Variants in TXNDC15 observed in about 807,000 individuals in gnomAD.
TXNDC15 encodes thioredoxin domain-containing protein 15.
TXNDC15 carries 24 observed loss-of-function variants against 35.0 expected under a neutral mutation model. The ratio of observed to expected loss-of-function variants is 0.68; its 90% CI spans 0.50 to 0.96. The LOEUF is 0.96. Among genes scored for constraint, TXNDC15 ranks in the 40% least tolerant of loss-of-function variants. The pLI, the probability that TXNDC15 is intolerant of heterozygous loss-of-function variation, is 0.00. For synonymous variants in TXNDC15, 169 were observed against 174.0 expected (o/e 0.97, Z 0.23); for missense variants, 385 against 453.3 (o/e 0.85, Z 1.37).
At chr5:134,875,735 T>A (rs1160181538) in intron 1 of TXNDC15, among the ~76,000 whole-genome samples, 1 of 152,090 alleles carries the variant, frequency 6.6e-6, no homozygotes, top group Non-Finnish European at 1.5e-5. Context: ...AGTGGCGCGA[T>A]CTTGGCTCAC....
chr5:134,874,436 G>C lies in TXNDC15; in HGVS notation c.9G>C (p.Pro3=), dbSNP rs982005907. 1.9e-6 allele frequency: 3 copies of C among 1,600,350 alleles called. No individual in the cohort carries two copies. Among genetic ancestry groups the C allele is most frequent in the Admixed American group, 1.7e-5 (1 of 59,494 alleles). The change falls in exon 1 of 5, where the codon CCG becomes CCC. Residue 3 remains proline (P), a synonymous_variant. Transcript: ENST00000358387. ...GCCTCTCGGCCTGGGCAATGGTCCC[G>C]GCTGCCGGTCGACGACCGCCCCGCG... MV[P]AAGRRPPRVM...
Position 134,899,586 on chromosome 5 carries a change from T to C in TXNDC15, c.984T>C (p.Phe328=). 6.2e-7 allele frequency: 1 copy of C among 1,614,026 alleles called. No individual in the cohort carries two copies. Among genetic ancestry groups the C allele is most frequent in the Non-Finnish European group, 8.5e-7 (1 of 1,180,004 alleles). ...AAAGTGTGGACTGGTTGCTTGTATT[T>C]TCCTTATTCTTTTTAATTAGTTTTA... ...LIKSVDWLLV[F]SLFFLISFIM... Residue 328 remains phenylalanine (F), a synonymous_variant, in exon 5 of 5, where the codon TTT becomes TTC. Coordinates refer to ENST00000358387, the MANE Select transcript of TXNDC15 (RefSeq NM_024715.4).
In TXNDC15 at chr5:134,884,502, C is replaced by A. The variant is rs183348879; in HGVS notation, c.104-3193C>A. Among the ~76,000 whole-genome samples, 6 of 152,054 alleles carry A rather than the reference C, an allele frequency of 3.9e-5. No homozygotes were observed. The East Asian group carries it at 1.2e-3, about 30-fold the overall frequency. The stretch of plus-strand genomic sequence containing the variant: ...ACCTCAGGTGATCTACCCGCCTCAG[C>A]CTCCCAAAGTGCTGAGATTACAGGT... On this transcript the variant is annotated intron_variant, in intron 1 of 4. Coordinates refer to ENST00000358387, the MANE Select transcript of TXNDC15 (RefSeq NM_024715.4).
intron 1 of TXNDC15, 82 bp downstream of exon 1, chr5:134,874,612 G>A (rs1052248894): frequency 9.5e-6 from 11 of 1,159,210 alleles, no homozygotes; most frequent in South Asian, 7.4e-5. Context: ...CTGCGCGAAG[G>A]CCGGCGGTGC....
At chr5:134,881,630 C>A (rs2150184798) in intron 1 of TXNDC15, among the ~76,000 whole-genome samples, 1 of 139,206 alleles carries the variant, frequency 7.2e-6, no homozygotes, top group East Asian at 2.2e-4. Context: ...TCAATCTTTT[C>A]CCCACCTTTC....
chr5:134,892,413 T>C (rs888221638), intron 2 of TXNDC15: 1 of 152,234 alleles, frequency 6.6e-6, no homozygotes, highest in Non-Finnish European at 1.5e-5. Context: ...GGTTTGATCG[T>C]CTATCTATAG....
chr5:134,879,375 G>A (rs527822083), intron 1 of TXNDC15, among the ~76,000 whole-genome samples: 1 of 152,132 alleles, frequency 6.6e-6, no homozygotes, highest in Non-Finnish European at 1.5e-5. Flanking sequence ...TTTACTTGTG[G>A]AATCTAGAAT....
In TXNDC15 at chr5:134,887,994, G is replaced by A; in HGVS notation, c.403G>A (p.Gly135Ser). 2 of 1,614,232 alleles carry A rather than the reference G, an allele frequency of 1.2e-6. No homozygotes were observed. Residue 135 changes from glycine (G) to serine (S), a missense_variant, in exon 2 of 5, where the codon GGC (glycine) becomes AGC (serine). Transcript: ENST00000358387. ...CCGAGAGAGCCTTTTCTCTCTGGAT[G>A]GCGCTGGAGCACACTTCCCTGACAG... is the stretch of plus-strand genomic sequence containing the variant. ...NVRESLFSLDGAGAHFPDREE... is the reference protein window; with the variant it reads ...NVRESLFSLDSAGAHFPDREE...
intron 1 of TXNDC15, among the ~76,000 whole-genome samples, chr5:134,880,199 C>G (rs1281859140): frequency 1.3e-5 from 2 of 152,176 alleles, no homozygotes; most frequent in Non-Finnish European, 2.9e-5. Context: ...TGTAGCGAAT[C>G]TACCCTACCT....
chr5:134,878,639 A>G (rs1027585856), intron 1 of TXNDC15, among the ~76,000 whole-genome samples: 3 of 152,148 alleles, frequency 2.0e-5, no homozygotes, highest in African/African-American at 7.2e-5. Flanking sequence ...CCTTCAGACA[A>G]CTTCTTTGCT....
intron 1 of TXNDC15, chr5:134,875,088 C>A: frequency 2.2e-6 from 1 of 455,054 alleles, no homozygotes; most frequent in Non-Finnish European, 4.4e-6. Context: ...CTGGAGTCCA[C>A]GCTGCTGGAC....
chr5:134,875,341 C>G, intron 1 of TXNDC15: 1 of 456,276 alleles, frequency 2.2e-6, no homozygotes, highest in Non-Finnish European at 4.4e-6. Flanking sequence ...GCAGGTCTTT[C>G]TTTTCCCTGG....
chr5:134,897,041 A>C (rs1750503588), intron 4 of TXNDC15, among the ~76,000 whole-genome samples: 1 of 151,936 alleles, frequency 6.6e-6, no homozygotes, highest in African/African-American at 2.4e-5. Context: ...TCCTAGGTTC[A>C]AGTGATTTGC....
At chr5:134,890,174 G>T (rs1224430748) in intron 2 of TXNDC15, among the ~76,000 whole-genome samples, 1 of 151,910 alleles carries the variant, frequency 6.6e-6, no homozygotes, top group East Asian at 1.9e-4. Flanking sequence ...GGGAATACAG[G>T]CATGTGCCAC....
Position 134,901,356 on chromosome 5 carries a change from C to T in TXNDC15, c.*1671C>T, listed in dbSNP as rs571096864. 6.6e-6 allele frequency: 1 copy of T among 151,996 alleles called. No individual in the cohort carries two copies. The highest frequency in any genetic ancestry group is 1.5e-5 in the Non-Finnish European group (1 of 68,026). The allele number at this position is 151,996 out of a possible 1,614,324, so 9.4% of individuals were successfully genotyped here. ...GGGGTGGTCACTGGCAGGAGGGGACCGTATCTCAGAATGGCACATTATTTC... is the reference window on the plus strand; with the variant it reads ...GGGGTGGTCACTGGCAGGAGGGGACTGTATCTCAGAATGGCACATTATTTC... On this transcript the variant is annotated 3_prime_UTR_variant, in exon 5 of 5. Coordinates refer to ENST00000358387, the MANE Select transcript of TXNDC15 (RefSeq NM_024715.4).
chr5:134,884,742 A>G (rs1194747653), intron 1 of TXNDC15, among the ~76,000 whole-genome samples: 1 of 152,034 alleles, frequency 6.6e-6, no homozygotes, highest in Non-Finnish European at 1.5e-5. Flanking sequence ...TTATTGTTTT[A>G]ATATCCTTGT....
Position 134,874,419 on chromosome 5 carries a change from G to A in TXNDC15, c.-9G>A, listed in dbSNP as rs1444338704. The stretch of plus-strand genomic sequence containing the variant: ...GTAGCCGTGCGCCGATTGCCTCTCG[G>A]CCTGGGCAATGGTCCCGGCTGCCGG... On this transcript the variant is annotated 5_prime_UTR_variant, in exon 1 of 5. Transcript: ENST00000358387. 2 of 1,593,266 alleles carry A rather than the reference G, an allele frequency of 1.3e-6. No individual in the cohort carries two copies. The highest frequency in any genetic ancestry group is 1.7e-6 in the Non-Finnish European group (2 of 1,174,290).
At chr5:134,879,437 T>A (rs2548966) in intron 1 of TXNDC15, among the ~76,000 whole-genome samples, 95,980 of 152,030 alleles carry the variant, frequency 0.63, 30,616 homozygotes, top group African/African-American at 0.74. Flanking sequence ...GTTTGGGAGT[T>A]GGGTTGGACC....
At chr5:134,888,311 C>A in intron 2 of TXNDC15, 129 bp downstream of exon 2, 1 of 974,314 alleles carries the variant, frequency 1.0e-6, no homozygotes, top group Non-Finnish European at 1.5e-6. Flanking sequence ...TTAATGGCTG[C>A]TTCAGTGAAA....
Sources: gnomAD v4.1 joint callset for allele counts (sites outside exome capture counted in the v4.1 genomes callset) on GRCh38, gnomAD v4.1.1 for gene constraint, MANE v1.5 for transcripts, NCBI Gene and HGNC (gene_info 2026-07-23, HGNC 2026-07-21) for gene names.